SEMA3A: variants seen among roughly 807,000 people sequenced by gnomAD.
SEMA3A encodes semaphorin-3A.
In SEMA3A, 29 loss-of-function variants were observed where a neutral mutation model predicts 97.9. That is an observed-to-expected ratio of 0.30 (90% CI 0.22 to 0.40). The LOEUF is 0.40. SEMA3A is among the 10% of genes least tolerant of loss of function. The probability of loss-of-function intolerance (pLI) is 1.00; values close to 1 mark genes in which losing one functional copy is unlikely to be tolerated. For missense variants in SEMA3A, 763 were observed against 951.3 expected (o/e 0.80, Z 2.60); for synonymous variants, 321 against 323.7 (o/e 0.99, Z 0.09).
intron 12 of SEMA3A, among the ~76,000 whole-genome samples, chr7:83,988,529 A>C (rs1315707143): frequency 2.0e-5 from 3 of 152,138 alleles, no homozygotes; most frequent in South Asian, 2.1e-4. Flanking sequence ...AGAACTGCAG[A>C]TCTCTACTTC....
At chr7:84,089,457 A>C (rs1794492672) in intron 4 of SEMA3A, among the ~76,000 whole-genome samples, 6 of 152,146 alleles carry the variant, frequency 3.9e-5, no homozygotes, top group Admixed American at 3.9e-4. Flanking sequence ...TTCATAGATA[A>C]AAAACAAGGA....
At position 84,321,111 on chromosome 7, in the gene SEMA3A, G is replaced by GA. The variant is rs201823195; in HGVS notation, c.-168-13820dup. On this transcript the variant is annotated intron_variant, in intron 2 of 3. Transcript: ENST00000424555. ...AGTTTTCGAAATTTTAGTTTACCTCGAAAAAATCAAGTGATTTGGACACAA... is the reference window on the plus strand; with the variant it reads ...AGTTTTCGAAATTTTAGTTTACCTCGAAAAAAATCAAGTGATTTGGACACAA... 3.5e-3 allele frequency among the ~76,000 whole-genome samples: 536 copies of GA among 152,116 alleles called. 4 individuals are homozygous for GA. The highest frequency in any genetic ancestry group is 0.012 in the African/African-American group (514 of 41,520).
intron 3 of SEMA3A, among the ~76,000 whole-genome samples, chr7:84,217,142 C>G (rs537100125): frequency 6.6e-6 from 1 of 152,094 alleles, no homozygotes; most frequent in Non-Finnish European, 1.5e-5. Flanking sequence ...TATTTTATAT[C>G]CTCCTGAAAC....
At chr7:84,347,827 C>T (rs949256083) in intron 2 of SEMA3A, among the ~76,000 whole-genome samples, 3 of 151,996 alleles carry the variant, frequency 2.0e-5, no homozygotes, top group African/African-American at 7.2e-5. Flanking sequence ...AGATGAGTGG[C>T]GAGCAGTAGC....
intron 3 of SEMA3A, among the ~76,000 whole-genome samples, chr7:84,275,113 G>A (rs980606035): frequency 6.6e-6 from 1 of 151,968 alleles, no homozygotes; most frequent in Admixed American, 6.6e-5. Context: ...GATTGAAAGG[G>A]TTAGCTCTGC....
At chr7:84,338,467 A>G (rs530210224) in intron 2 of SEMA3A, among the ~76,000 whole-genome samples, 10 of 152,224 alleles carry the variant, frequency 6.6e-5, no homozygotes, top group Middle Eastern at 3.4e-3. Flanking sequence ...GATTATTAAA[A>G]TGGTAATACT....
intron 4 of SEMA3A, among the ~76,000 whole-genome samples, chr7:84,077,341 A>C (rs1324902503): frequency 6.6e-6 from 1 of 152,126 alleles, no homozygotes; most frequent in African/African-American, 2.4e-5. Context: ...AAATTGTGAA[A>C]GTAAAGCTAT....
At chr7:84,320,266 G>C (rs888673608) in intron 2 of SEMA3A, among the ~76,000 whole-genome samples, 5 of 151,736 alleles carry the variant, frequency 3.3e-5, no homozygotes, top group Admixed American at 2.0e-4. Flanking sequence ...TTGTCTCTGG[G>C]TATTATAATT....
intron 1 of SEMA3A, among the ~76,000 whole-genome samples, chr7:84,135,384 T>A (rs921509785): frequency 4.6e-5 from 7 of 152,228 alleles, no homozygotes; most frequent in African/African-American, 1.7e-4. Context: ...GTGCTGGGAT[T>A]ACAGGTGTGA....
At position 84,126,492 on chromosome 7, in the gene SEMA3A, T is replaced by C. The variant is rs546992147; in HGVS notation, c.333+2631A>G. On this transcript the variant is annotated intron_variant, in intron 3 of 16. Transcript: ENST00000265362. ...AAGTGTTGGGATTACAGGCATGGGC[T>C]ACCGCGCCCGGATGAGTTGATTATC... Among the ~76,000 whole-genome samples, 210 of 152,260 alleles carry C rather than the reference T, an allele frequency of 1.4e-3. 1 individual carries two copies. Among genetic ancestry groups the C allele is most frequent in the Non-Finnish European group, 2.2e-3 (147 of 68,018 alleles).
chr7:84,060,410 A>G, intron 5 of SEMA3A, 55 bp downstream of exon 5: 1 of 1,121,242 alleles, frequency 8.9e-7, no homozygotes, highest in Non-Finnish European at 1.3e-6. Flanking sequence ...AAGAACATAC[A>G]ACCTGTTTGT....
intron 1 of SEMA3A, among the ~76,000 whole-genome samples, chr7:84,399,713 C>G (rs1466673605): frequency 6.6e-6 from 1 of 152,192 alleles, no homozygotes; most frequent in Non-Finnish European, 1.5e-5. Flanking sequence ...CCAAGTTTAG[C>G]AGGACTCACC....
At chr7:84,483,171 C>T (rs1442960565) in intron 1 of SEMA3A, among the ~76,000 whole-genome samples, 2 of 152,116 alleles carry the variant, frequency 1.3e-5, no homozygotes, top group Non-Finnish European at 2.9e-5. Context: ...TCTCAAACTC[C>T]ATGTTAACTA....
intron 1 of SEMA3A, among the ~76,000 whole-genome samples, chr7:84,460,044 A>G (rs1805786547): frequency 6.6e-6 from 1 of 152,146 alleles, no homozygotes. Context: ...GCAAACAAAC[A>G]AACAAAAAAA....
At chr7:84,404,866 G>A (rs551578596) in intron 1 of SEMA3A, among the ~76,000 whole-genome samples, 1 of 152,048 alleles carries the variant, frequency 6.6e-6, no homozygotes, top group Non-Finnish European at 1.5e-5. Context: ...TCACCACCAG[G>A]CCTGCCCTAA....
chr7:84,285,801 A>C (rs987154403), intron 3 of SEMA3A, among the ~76,000 whole-genome samples: 5 of 151,846 alleles, frequency 3.3e-5, no homozygotes, highest in African/African-American at 1.2e-4. Flanking sequence ...ATTAGTGGAC[A>C]TGGTGGTGTG....
intron 5 of SEMA3A, among the ~76,000 whole-genome samples, chr7:84,053,295 T>A (rs2115636386): frequency 9.1e-6 from 1 of 109,726 alleles, no homozygotes; most frequent in African/African-American, 2.8e-5. Context: ...TTGATCTGTC[T>A]AATGTTGACA....
intron 3 of SEMA3A, among the ~76,000 whole-genome samples, chr7:84,290,160 T>C (rs1386199655): frequency 6.6e-6 from 1 of 152,122 alleles, no homozygotes; most frequent in African/African-American, 2.4e-5. Context: ...AATTCCGTTA[T>C]TAGATTGTGA....
chr7:84,238,908 G>T (rs986154711), intron 3 of SEMA3A, among the ~76,000 whole-genome samples: 4 of 151,950 alleles, frequency 2.6e-5, no homozygotes, highest in Middle Eastern at 3.4e-3. Flanking sequence ...GTAGAGGCAG[G>T]GTTTTACCAT....
Sources: gnomAD v4.1 joint callset for allele counts (sites outside exome capture counted in the v4.1 genomes callset) on GRCh38, gnomAD v4.1.1 for gene constraint, MANE v1.5 for transcripts, NCBI Gene and HGNC (gene_info 2026-07-23, HGNC 2026-07-21) for gene names.